The following STARD9 variants were observed in gnomAD, a reference collection of about 807,000 sequenced individuals.
The protein encoded by STARD9 is StAR related lipid transfer domain containing 9.
In STARD9, 346 loss-of-function variants were observed where a neutral mutation model predicts 399.8. That is an observed-to-expected ratio of 0.87 (90% CI 0.79 to 0.95). STARD9 has a LOEUF of 0.95. Ranked by LOEUF, STARD9 falls within the 40% of genes least tolerant of loss-of-function variation. The pLI is 0.00. For missense variants in STARD9, 5,832 were observed against 5,667.5 expected (o/e 1.03, Z -0.93); for synonymous variants, 2,203 against 2,143.5 (o/e 1.03, Z -0.77).
chr15:42,581,587 G>A, intron 1 of STARD9: 1 of 797,354 alleles, frequency 1.3e-6, no homozygotes. Context: ...CGAGCTCTGC[G>A]CACTCCTCGC....
At chr15:42,658,774 G>A (rs986169146) in intron 9 of STARD9, among the ~76,000 whole-genome samples, 46 of 151,556 alleles carry the variant, frequency 3.0e-4, no homozygotes, top group Admixed American at 1.3e-4. Flanking sequence ...ATAAGCCACC[G>A]TGCCTGGCCC....
chr15:42,581,070 TC>T, intron 1 of STARD9: 1 of 599,108 alleles, frequency 1.7e-6, no homozygotes, highest in Non-Finnish European at 3.1e-6. Flanking sequence ...ATTGGCCAAA[TC>T]AGGTGCACAC....
At chr15:42,623,449 CT>C (rs2059132433) in intron 3 of STARD9, among the ~76,000 whole-genome samples, 1 of 152,140 alleles carries the variant, frequency 6.6e-6, no homozygotes, top group South Asian at 2.1e-4. Flanking sequence ...TTGTTGTGGA[CT>C]GAAGACAGTG....
intron 3 of STARD9, among the ~76,000 whole-genome samples, chr15:42,632,644 G>A (rs1380867331): frequency 2.6e-5 from 4 of 151,938 alleles, no homozygotes; most frequent in Non-Finnish European, 4.4e-5. Flanking sequence ...TAACCCATTC[G>A]TTTAAACTGA....
rs566925491 is a variant in STARD9 at position 42,613,353 on chromosome 15, A to G, written c.235-21503A>G. ...AATAAAAGAGTAGCATTTAGCAAAG[A>G]GGGGATATTTTAGGATCTGATACCA... On this transcript the variant is annotated intron_variant, in intron 3 of 32. Coordinates refer to ENST00000290607, the MANE Select transcript of STARD9 (RefSeq NM_020759.3). Among the ~76,000 whole-genome samples the G allele has an allele frequency of 1.6e-4, 25 of 152,264 alleles. No homozygotes were observed. In the South Asian group the frequency reaches 5.0e-3, roughly 30 times the overall value.
rs1197493274 is a variant in STARD9, at chr15:42,693,331, T to C, written c.11753T>C (p.Leu3918Ser). The C allele has an allele frequency of 2.6e-6, 4 of 1,537,010 alleles. No individual in the cohort carries two copies. Among genetic ancestry groups the C allele is most frequent in the Non-Finnish European group, 3.5e-6 (4 of 1,146,914 alleles). The change falls in exon 23 of 33, where the codon TTG (leucine) becomes TCG (serine). Residue 3918 changes from leucine to serine, a missense_variant. By Grantham distance (145) the Leu-to-Ser change is moderately radical. Around this residue, in one of 2 missense-constraint regions of STARD9, gnomAD observed 5,828 missense variants for 5,651.1 expected, o/e 1.03. Transcript: ENST00000290607. ...TQEPGLSPGS[L>S]TLSAPSTHPV... ...GAGCCGGGTCTTTCCCCAGGCTCTT[T>C]GACCCTCTCAGCCCCTTCAACTCAC...
chr15:42,662,167 G>T (rs2060005314), intron 10 of STARD9, among the ~76,000 whole-genome samples: 1 of 152,166 alleles, frequency 6.6e-6, no homozygotes, highest in African/African-American at 2.4e-5. Context: ...AGGTTGAGAA[G>T]ATACTGCCTT....
At position 42,693,127 on chromosome 15, in the gene STARD9, A is replaced by G. The variant is rs2060753875; in HGVS notation, c.11549A>G (p.Glu3850Gly). 6.5e-7 allele frequency: 1 copy of G among 1,536,896 alleles called. No homozygotes were observed. Among genetic ancestry groups the G allele is most frequent in the Admixed American group, 2.0e-5 (1 of 50,962 alleles). Residue 3850 changes from glutamate to glycine, a missense_variant, in exon 23 of 33, where the codon GAG (glutamate) becomes GGG (glycine). Around this residue, in one of 2 missense-constraint regions of STARD9, gnomAD observed 5,828 missense variants for 5,651.1 expected, o/e 1.03. Transcript: ENST00000290607. The stretch of plus-strand genomic sequence containing the variant: ...CTGCCTCCCAGCTCCCAGCCAGAGG[A>G]GTCATATTGCTTAGTTGTCAGCAGT... Reference protein sequence around the residue: ...AFLPPSSQPEESYCLVVSSPS... With the variant: ...AFLPPSSQPEGSYCLVVSSPS...
intron 3 of STARD9, among the ~76,000 whole-genome samples, chr15:42,622,651 C>T (rs2059115607): frequency 6.6e-6 from 1 of 152,002 alleles, no homozygotes; most frequent in Admixed American, 6.6e-5. Context: ...ATCTGTTGTT[C>T]CTGAGGTGGG....
At chr15:42,593,816 A>T (rs112286590) in intron 3 of STARD9, among the ~76,000 whole-genome samples, 1 of 151,428 alleles carries the variant, frequency 6.6e-6, no homozygotes, top group African/African-American at 2.4e-5. Flanking sequence ...GGCGCCCGCC[A>T]CCACGCCCGG....
chr15:42,715,444 C>T (rs532179710), intron 26 of STARD9, among the ~76,000 whole-genome samples: 1 of 152,010 alleles, frequency 6.6e-6, no homozygotes, highest in Non-Finnish European at 1.5e-5. Context: ...CTTTGGGAGG[C>T]CGCAGAGGGG....
chr15:42,639,028 C>T (rs2059480799), intron 7 of STARD9, among the ~76,000 whole-genome samples: 1 of 152,060 alleles, frequency 6.6e-6, no homozygotes, highest in Non-Finnish European at 1.5e-5. Context: ...CAAACAATTA[C>T]AAGTAGTGAT....
At chr15:42,607,377 A>G (rs1595623449) in intron 3 of STARD9, among the ~76,000 whole-genome samples, 1 of 150,572 alleles carries the variant, frequency 6.6e-6, no homozygotes, top group Non-Finnish European at 1.5e-5. Flanking sequence ...TAATTTTTAT[A>G]TTTTTAGTAG....
rs999207208 is a variant in STARD9 at position 42,690,771 on chromosome 15, G to A, written c.9193G>A (p.Val3065Met). 9.1e-6 allele frequency: 14 copies of A among 1,537,148 alleles called. No individual in the cohort carries two copies. Among genetic ancestry groups the A allele is most frequent in the African/African-American group, 6.8e-5 (5 of 73,038 alleles). The change falls in exon 23 of 33, where the codon GTG (valine) becomes ATG (methionine). Residue 3065 changes from valine (V) to methionine (M), a missense_variant. This residue lies in a region of STARD9 where 5,828 missense variants were observed against 5,651.1 expected (regional missense o/e 1.03). Coordinates refer to ENST00000290607, the MANE Select transcript of STARD9 (RefSeq NM_020759.3). ...CTGCAGATCCCCTTCTGCTCCTGAC[G>A]TGAGGACAGGTTCCTTCAGCCACTC... Reference protein sequence around the residue: ...QGCRSPSAPDVRTGSFSHSAT... With the variant: ...QGCRSPSAPDMRTGSFSHSAT...
intron 1 of STARD9, among the ~76,000 whole-genome samples, chr15:42,576,548 C>G (rs555525085): frequency 6.6e-6 from 1 of 152,100 alleles, no homozygotes; most frequent in South Asian, 2.1e-4. Flanking sequence ...CTGTAAGGGA[C>G]TAACTAGAGG....
chr15:42,622,573 A>T (rs1183855097), intron 3 of STARD9, among the ~76,000 whole-genome samples: 1 of 151,912 alleles, frequency 6.6e-6, no homozygotes, highest in Non-Finnish European at 1.5e-5. Context: ...GTTCAAATAA[A>T]ACTAACTTGA....
chr15:42,638,080 AAAGT>A lies in STARD9; in HGVS notation c.443_446del (p.Ser149PhefsTer2). ...CTCACTGCCTTCCTCCTGTAGGATA[AAAGT>A]AAGGTAAGAACCTCCCAAGCTCTGG... On this transcript the variant is annotated frameshift_variant, in exon 6 of 33. Transcript: ENST00000290607. LOFTEE classifies it high-confidence loss of function. 6.5e-7 allele frequency: 1 copy of A among 1,536,948 alleles called. No individual in the cohort carries two copies. The highest frequency in any genetic ancestry group is 8.7e-7 in the Non-Finnish European group (1 of 1,146,910).
In STARD9 at chr15:42,688,851, C is replaced by T. The variant is rs1220423102; in HGVS notation, c.7273C>T (p.Pro2425Ser). The change falls in exon 23 of 33, where the codon CCA (proline) becomes TCA (serine). Residue 2425 changes from proline to serine, a missense_variant. By Grantham distance (74) the Pro-to-Ser change is moderately conservative (BLOSUM62 -1). This residue lies in a region of STARD9 where 5,828 missense variants were observed against 5,651.1 expected (regional missense o/e 1.03). Transcript: ENST00000290607. ...GGGATCTCATAGTCAATCTGGTGTA[C>T]CAGAGAGCATTCCTCTGGGGACAGA... The part of the protein sequence containing the change: ...AMGSHSQSGV[P>S]ESIPLGTEDR... The T allele has an allele frequency of 7.8e-6, 12 of 1,537,094 alleles. No homozygotes were observed. The highest frequency in any genetic ancestry group is 9.6e-6 in the Non-Finnish European group (11 of 1,146,902).
At position 42,689,394 on chromosome 15, in the gene STARD9, C is replaced by A. The variant is rs779464363; in HGVS notation, c.7816C>A (p.Gln2606Lys). 6.5e-7 allele frequency: 1 copy of A among 1,537,252 alleles called. No individual in the cohort carries two copies. Among genetic ancestry groups the A allele is most frequent in the African/African-American group, 1.4e-5 (1 of 73,048 alleles). ...ACAAATAGACCAGTCATCATCAGAC[C>A]AGACCAGGAATGAGGGTGAAGCACC... Reference protein sequence around the residue: ...CKQIDQSSSDQTRNEGEAPGF... With the variant: ...CKQIDQSSSDKTRNEGEAPGF... Residue 2606 changes from glutamine (Q) to lysine (K), a missense_variant, in exon 23 of 33, where the codon CAG becomes AAG. Coordinates refer to ENST00000290607, the MANE Select transcript of STARD9 (RefSeq NM_020759.3).
Sources: gnomAD v4.1 joint callset for allele counts (sites outside exome capture counted in the v4.1 genomes callset) on GRCh38, gnomAD v4.1.1 for gene constraint, gnomAD v4.1.1 regional missense constraint, MANE v1.5 for transcripts, NCBI Gene and HGNC (gene_info 2026-07-23, HGNC 2026-07-21) for gene names.